The following MALT1 variants were observed in gnomAD, a reference collection of about 807,000 sequenced individuals.
MALT1 encodes the protein MALT1 paracaspase, also known as mucosa-associated lymphoid tissue lymphoma translocation protein 1.
Under a neutral mutation model 85.5 loss-of-function variants are expected in MALT1, and 36 were observed. The ratio of observed to expected loss-of-function variants is 0.42; its 90% CI spans 0.32 to 0.56. The LOEUF (loss-of-function observed/expected upper bound fraction) is 0.56, where lower values mean the gene tolerates loss of function less well. Among genes scored for constraint, MALT1 ranks in the 20% least tolerant of loss-of-function variants. The pLI, the probability that MALT1 is intolerant of heterozygous loss-of-function variation, is 0.10. For missense variants in MALT1, 716 were observed against 981.6 expected, an observed-to-expected ratio of 0.73 and a Z score of 3.62; for synonymous variants, 359 against 361.3, an observed-to-expected ratio of 0.99 and a Z score of 0.07.
chr18:58,673,408 C>T (rs1172833449), intron 1 of MALT1, among the ~76,000 whole-genome samples: 3 of 152,102 alleles, frequency 2.0e-5, no homozygotes, highest in South Asian at 4.1e-4. Flanking sequence ...TAAATGTTTA[C>T]ATGCTGCTGC....
chr18:58,734,484 A>G, intron 12 of MALT1, 103 bp downstream of exon 12: 1 of 854,822 alleles, frequency 1.2e-6, no homozygotes, highest in Non-Finnish European at 2.0e-6. Context: ...CCCAGGCTGG[A>G]GTGCAGAGGC....
rs571273812 is a variant in MALT1 at position 58,737,698 on chromosome 18, G to A, written c.1603+2369G>A. On this transcript the variant is annotated intron_variant, in intron 13 of 16. Coordinates refer to ENST00000649217, the MANE Select transcript of MALT1 (RefSeq NM_006785.4). ...CCCAGGTTCAAGTGATCCTCTTGCC[G>A]CAGCCTCCCAAGTAGCTGGGACTAA... is the stretch of plus-strand genomic sequence containing the variant. Among the ~76,000 whole-genome samples, 6 of 152,064 alleles carry A rather than the reference G, an allele frequency of 3.9e-5. No individual in the cohort carries two copies. The South Asian group carries it at 1.2e-3, about 32-fold the overall frequency.
chr18:58,694,938 A>C (rs1241127181), intron 2 of MALT1, among the ~76,000 whole-genome samples: 1 of 152,112 alleles, frequency 6.6e-6, no homozygotes, highest in Non-Finnish European at 1.5e-5. Context: ...CTGTATTCCC[A>C]CCCAAATCTT....
rs762642158 is a variant in MALT1 at position 58,696,427 on chromosome 18, G to A, written c.438G>A (p.Leu146=). 3 of 1,568,482 alleles carry A rather than the reference G, an allele frequency of 1.9e-6. No individual in the cohort carries two copies. Among genetic ancestry groups the A allele is most frequent in the South Asian group, 2.3e-5 (2 of 87,282 alleles). Residue 146 remains leucine, a synonymous_variant, in exon 3 of 17, where the codon CTG becomes CTA. Coordinates refer to ENST00000649217, the MANE Select transcript of MALT1 (RefSeq NM_006785.4). ...TCTTGGCTGGACAGTTTGTGAAACT[G>A]TGTTGCCGGGCAACTGGACATCCTT... ...KAVLAGQFVK[L]CCRATGHPFV... is the part of the protein sequence containing the mutation.
chr18:58,738,359 A>G (rs1401079152), intron 13 of MALT1, among the ~76,000 whole-genome samples: 2 of 152,194 alleles, frequency 1.3e-5, no homozygotes, highest in Non-Finnish European at 2.9e-5. Flanking sequence ...TTATGCAAAC[A>G]TACTACAGTT....
chr18:58,704,026 G>A (rs967566320), intron 4 of MALT1, among the ~76,000 whole-genome samples: 1 of 152,068 alleles, frequency 6.6e-6, no homozygotes, highest in African/African-American at 2.4e-5. Flanking sequence ...CCATCTTTTT[G>A]CTGAGTAACA....
chr18:58,710,980 A>C, intron 7 of MALT1, 27 bp downstream of exon 7: 1 of 1,535,202 alleles, frequency 6.5e-7, no homozygotes, highest in Non-Finnish European at 8.8e-7. Context: ...GTTTGAAACC[A>C]AATCTCCTGC....
chr18:58,691,239 G>A, intron 2 of MALT1: 1 of 356,640 alleles, frequency 2.8e-6, no homozygotes, highest in South Asian at 2.3e-5. Context: ...AGGATTCTGG[G>A]AGGGCTATCC....
At chr18:58,725,888 C>G (rs2144432341) in intron 10 of MALT1, among the ~76,000 whole-genome samples, 1 of 152,170 alleles carries the variant, frequency 6.6e-6, no homozygotes, top group South Asian at 2.1e-4. Context: ...TGGTGAAACC[C>G]CGTCTCTACT....
chr18:58,746,460 AGTGTTC>A (rs2055368378), intron 16 of MALT1, among the ~76,000 whole-genome samples: 2 of 152,144 alleles, frequency 1.3e-5, no homozygotes, highest in South Asian at 4.2e-4. Context: ...CTGCACATTG[AGTGTTC>A]TAATGAAAGC....
Position 58,752,536 on chromosome 18 carries a change from CG to C in MALT1, c.*4697del, listed in dbSNP as rs1422089538. The C allele has an allele frequency of 3.4e-5, 5 of 148,558 alleles. No homozygotes were observed. Among genetic ancestry groups the C allele is most frequent in the African/African-American group, 9.9e-5 (4 of 40,262 alleles). 9.2% of individuals were successfully genotyped at this position (148,558 alleles called of 1,614,324 possible). A position where few individuals can be genotyped will look rare whatever the true frequency, so the allele number is the denominator to read the frequency against. ...GCTCACACCTGTAATCCCAGCACTT[CG>C]GGAGACTGCGGTAAGCAGATCATTT... On this transcript the variant is annotated 3_prime_UTR_variant, in exon 17 of 17. Coordinates refer to ENST00000649217, the MANE Select transcript of MALT1 (RefSeq NM_006785.4).
chr18:58,743,918 A>T (rs2055333704), intron 14 of MALT1, among the ~76,000 whole-genome samples: 1 of 152,208 alleles, frequency 6.6e-6, no homozygotes, highest in African/African-American at 2.4e-5. Context: ...TTACGTATAT[A>T]TAAATATTAA....
intron 12 of MALT1, chr18:58,734,607 A>T: frequency 2.1e-6 from 1 of 481,234 alleles, no homozygotes; most frequent in Non-Finnish European, 3.7e-6. Flanking sequence ...TTTTTTGATT[A>T]TAGATTAGAG....
intron 14 of MALT1, among the ~76,000 whole-genome samples, chr18:58,742,793 A>C (rs935655881): frequency 6.6e-6 from 1 of 152,260 alleles, no homozygotes; most frequent in East Asian, 1.9e-4. Flanking sequence ...ATGGCACTCG[A>C]CAAGTCCTCT....
intron 8 of MALT1, among the ~76,000 whole-genome samples, chr18:58,715,406 G>A (rs1254169532): frequency 6.6e-6 from 1 of 152,132 alleles, no homozygotes; most frequent in Non-Finnish European, 1.5e-5. Context: ...TATTTGACCA[G>A]TAGTACAAAG....
chr18:58,754,367 A>G lies in MALT1; in HGVS notation c.*6525A>G, dbSNP rs1397371341. ...TTAGGTCACATTGAAAACATTTCCA[A>G]AGGATTTGACCTGAAGTTAATGTTG... On this transcript the variant is annotated 3_prime_UTR_variant, in exon 17 of 17. Transcript: ENST00000649217. The G allele has an allele frequency of 2.0e-5, 3 of 152,226 alleles. No homozygotes were observed. Among genetic ancestry groups the G allele is most frequent in the South Asian group, 2.1e-4 (1 of 4,832 alleles). The allele number at this position is 152,226 out of a possible 1,614,324, so 9.4% of individuals were successfully genotyped here. A position where few individuals can be genotyped will look rare whatever the true frequency, so the allele number is the denominator to read the frequency against.
At chr18:58,715,207 C>G (rs1489719626) in intron 8 of MALT1, among the ~76,000 whole-genome samples, 1 of 152,128 alleles carries the variant, frequency 6.6e-6, no homozygotes, top group African/African-American at 2.4e-5. Flanking sequence ...TTAATTCTTG[C>G]TTTTCTTTAA....
chr18:58,685,218 C>T (rs1313859140), intron 2 of MALT1, among the ~76,000 whole-genome samples: 1 of 152,044 alleles, frequency 6.6e-6, no homozygotes, highest in South Asian at 2.1e-4. Context: ...CTTCTTATTC[C>T]ACAGGAAGTC....
intron 4 of MALT1, among the ~76,000 whole-genome samples, chr18:58,701,797 T>G (rs2054676016): frequency 6.6e-6 from 1 of 152,216 alleles, no homozygotes; most frequent in African/African-American, 2.4e-5. Context: ...TTTGGTTGTT[T>G]GTGTTGTCAG....
Sources: gnomAD v4.1 joint callset for allele counts (sites outside exome capture counted in the v4.1 genomes callset) on GRCh38, gnomAD v4.1.1 for gene constraint, MANE v1.5 for transcripts, NCBI Gene and HGNC (gene_info 2026-07-23, HGNC 2026-07-21) for gene names.